Variants in ELOVL7 observed in about 807,000 individuals in gnomAD.
ELOVL7 encodes ELOVL fatty acid elongase 7.
A neutral mutation model predicts 35.7 loss-of-function variants in ELOVL7; 27 were observed. That is an observed-to-expected ratio of 0.76 (90% CI 0.56 to 1.04). The LOEUF (loss-of-function observed/expected upper bound fraction) is 1.04, where lower values mean the gene tolerates loss of function less well. Ranked by LOEUF, ELOVL7 falls within the 50% of genes least tolerant of loss-of-function variation. The pLI, the probability that ELOVL7 is intolerant of heterozygous loss-of-function variation, is 0.00. For missense variants in ELOVL7, 327 were observed against 340.8 expected, an observed-to-expected ratio of 0.96 and a Z score of 0.32; for synonymous variants, 113 against 114.6, an observed-to-expected ratio of 0.99 and a Z score of 0.09.
chr5:60,792,606 C>T (rs992987754), intron 2 of ELOVL7, among the ~76,000 whole-genome samples: 1 of 152,090 alleles, frequency 6.6e-6, no homozygotes, highest in East Asian at 1.9e-4. Context: ...GTGGCATGTG[C>T]CTGTAGTTCC....
At chr5:60,837,424 T>C (rs1478418068) in intron 1 of ELOVL7, among the ~76,000 whole-genome samples, 1 of 151,550 alleles carries the variant, frequency 6.6e-6, no homozygotes, top group African/African-American at 2.4e-5. Flanking sequence ...AACATTGCAC[T>C]TCAAACTGGG....
chr5:60,820,737 C>T (rs1745834203), intron 1 of ELOVL7, among the ~76,000 whole-genome samples: 1 of 152,134 alleles, frequency 6.6e-6, no homozygotes, highest in African/African-American at 2.4e-5. Context: ...AACTGTGAGC[C>T]ATCCTTAAAC....
intron 1 of ELOVL7, among the ~76,000 whole-genome samples, chr5:60,824,223 G>A (rs1439048288): frequency 1.3e-5 from 2 of 152,206 alleles, no homozygotes; most frequent in East Asian, 1.9e-4. Flanking sequence ...AGAGAGTGAA[G>A]AGAAGGAGGT....
chr5:60,771,797 T>A, intron 4 of ELOVL7, 106 bp downstream of exon 4: 1 of 838,678 alleles, frequency 1.2e-6, no homozygotes, highest in Non-Finnish European at 1.8e-6. Context: ...ATCAGTTTCT[T>A]AATTCCTTAA....
intron 6 of ELOVL7, 47 bp from the exon 7 acceptor site, chr5:60,764,379 G>C: frequency 7.3e-7 from 1 of 1,365,436 alleles, no homozygotes; most frequent in Non-Finnish European, 1.0e-6. Context: ...TCATTTGATA[G>C]TGTATTGAGT....
intron 1 of ELOVL7, among the ~76,000 whole-genome samples, chr5:60,827,245 G>A (rs2112371746): frequency 6.6e-6 from 1 of 152,212 alleles, no homozygotes; most frequent in Non-Finnish European, 1.5e-5. Context: ...ACGTAATTTT[G>A]ATATGAAGGA....
intron 6 of ELOVL7, among the ~76,000 whole-genome samples, chr5:60,764,821 A>G (rs1742139559): frequency 6.6e-6 from 1 of 152,128 alleles, no homozygotes; most frequent in African/African-American, 2.4e-5. Flanking sequence ...ATGAAGGGAG[A>G]AAAAGTTGAA....
At chr5:60,763,108 A>C (rs1226083274) in intron 7 of ELOVL7, among the ~76,000 whole-genome samples, 1 of 152,226 alleles carries the variant, frequency 6.6e-6, no homozygotes, top group Non-Finnish European at 1.5e-5. Context: ...ATACTAACAA[A>C]CCTCATAAGA....
chr5:60,764,169 GT>G (rs1742091042), intron 7 of ELOVL7, 57 bp downstream of exon 7: 2 of 1,106,870 alleles, frequency 1.8e-6, no homozygotes, highest in Admixed American at 4.2e-5. Context: ...AAAATATTTT[GT>G]TTTTAGCATA....
At position 60,787,572 on chromosome 5, in the gene ELOVL7, A is replaced by G. The variant is rs890670514; in HGVS notation, c.-34-141T>C. The stretch of plus-strand genomic sequence containing the variant: ...ACAAACTCCCACTGAAGGCAAATGC[A>G]TAAGTAAATTACTTTAAACCCTGAT... On this transcript the variant is annotated intron_variant, in intron 2 of 8. Coordinates refer to ENST00000508821, the MANE Select transcript of ELOVL7 (RefSeq NM_024930.3). The G allele has an allele frequency of 5.9e-6, 3 of 507,854 alleles. 1 individual carries two copies. In the South Asian group the frequency reaches 7.7e-5, roughly 13 times the overall value. 31.5% of individuals were successfully genotyped at this position (507,854 alleles called of 1,614,324 possible). A position where few individuals can be genotyped will look rare whatever the true frequency, so the allele number is the denominator to read the frequency against.
intron 3 of ELOVL7, chr5:60,784,113 T>G (rs947922238): frequency 6.7e-7 from 1 of 1,498,098 alleles, no homozygotes; most frequent in Non-Finnish European, 9.0e-7. Context: ...TAATGGGCTT[T>G]TCCATCAGCT....
At chr5:60,826,528 A>C (rs1042778930) in intron 1 of ELOVL7, among the ~76,000 whole-genome samples, 26 of 152,254 alleles carry the variant, frequency 1.7e-4, no homozygotes, top group African/African-American at 6.3e-4. Context: ...CCCTGCACTA[A>C]AAGTTCCAAA....
At chr5:60,786,288 T>G (rs1005140451) in intron 3 of ELOVL7, among the ~76,000 whole-genome samples, 2 of 152,230 alleles carry the variant, frequency 1.3e-5, no homozygotes. Flanking sequence ...TTTACTTTTG[T>G]TCTGCTTTTA....
intron 1 of ELOVL7, among the ~76,000 whole-genome samples, chr5:60,819,612 T>G (rs1403600547): frequency 1.3e-5 from 2 of 152,100 alleles, no homozygotes; most frequent in Non-Finnish European, 2.9e-5. Flanking sequence ...TGAAACCCCG[T>G]CCCTACTAAA....
Position 60,752,233 on chromosome 5 carries a change from T to C in ELOVL7, c.*2391A>G, listed in dbSNP as rs1023724657. 6.6e-6 allele frequency: 1 copy of C among 152,474 alleles called. No homozygotes were observed. The highest frequency in any genetic ancestry group is 1.5e-5 in the Non-Finnish European group (1 of 68,032). The allele number at this position is 152,474 out of a possible 1,614,324, so 9.4% of individuals were successfully genotyped here. On this transcript the variant is annotated 3_prime_UTR_variant, in exon 9 of 9. Coordinates refer to ENST00000508821, the MANE Select transcript of ELOVL7 (RefSeq NM_024930.3). ...ATTTTGATCCACAATCATGTTGATG[T>C]TTCTATGGAGGATACTTCTAGCAGC...
At chr5:60,761,443 C>A (rs1741903464) in intron 7 of ELOVL7, among the ~76,000 whole-genome samples, 1 of 152,058 alleles carries the variant, frequency 6.6e-6, no homozygotes, top group Admixed American at 6.6e-5. Context: ...CAGTTTCATT[C>A]TAGGAATGGA....
intron 1 of ELOVL7, among the ~76,000 whole-genome samples, chr5:60,827,910 C>A (rs1267065999): frequency 6.6e-6 from 1 of 152,112 alleles, no homozygotes; most frequent in Admixed American, 6.5e-5. Context: ...CCTTCTTCAT[C>A]TTTCTTTCAC....
intron 1 of ELOVL7, among the ~76,000 whole-genome samples, chr5:60,808,656 C>T (rs1302072823): frequency 6.6e-6 from 1 of 152,102 alleles, no homozygotes; most frequent in Non-Finnish European, 1.5e-5. Context: ...TATATTCATT[C>T]CAAAACTTGT....
At chr5:60,837,326 T>TGG (rs1471299589) in intron 1 of ELOVL7, among the ~76,000 whole-genome samples, 7 of 25,090 alleles carry the variant, frequency 2.8e-4, no homozygotes, top group African/African-American at 9.2e-4. Context: ...GGGGGGGGAG[T>TGG]GGGGGGTGGG....
Sources: allele counts gnomAD v4.1 joint callset (sites outside exome capture counted in the v4.1 genomes callset), GRCh38; gene constraint gnomAD v4.1.1; transcripts MANE v1.5; gene names NCBI Gene and HGNC (gene_info 2026-07-23, HGNC 2026-07-21).